The following CHST11 variants were observed in gnomAD, a reference collection of about 807,000 sequenced individuals.
The protein encoded by CHST11 is C4S-1.
A neutral mutation model predicts 30.4 loss-of-function variants in CHST11; 9 were observed. That is an observed-to-expected ratio of 0.30 (90% confidence interval 0.18 to 0.52). CHST11 has a LOEUF of 0.52. CHST11 is among the 20% of genes least tolerant of loss of function. The pLI, the probability that CHST11 is intolerant of heterozygous loss-of-function variation, is 0.97. For synonymous variants in CHST11, 152 were observed against 187.8 expected, an observed-to-expected ratio of 0.81 and a Z score of 1.56; for missense variants, 348 against 460.6, an observed-to-expected ratio of 0.76 and a Z score of 2.24.
chr12:104,566,516 G>A (rs2136020346), intron 1 of CHST11, among the ~76,000 whole-genome samples: 1 of 152,278 alleles, frequency 6.6e-6, no homozygotes, highest in Non-Finnish European at 1.5e-5. Context: ...ACAGGTCCTG[G>A]CAGAGGAGCA....
chr12:104,570,104 C>T (rs1274348911), intron 1 of CHST11, among the ~76,000 whole-genome samples: 1 of 152,098 alleles, frequency 6.6e-6, no homozygotes, highest in Non-Finnish European at 1.5e-5. Flanking sequence ...TCTGTAAGCT[C>T]GGCTGTGATC....
At position 104,601,886 on chromosome 12, in the gene CHST11, C is replaced by A. The variant is rs2038960040; in HGVS notation, c.119-20C>A. 1 of 1,595,910 alleles carries A rather than the reference C, an allele frequency of 6.3e-7. No individual in the cohort carries two copies. Among genetic ancestry groups the A allele is most frequent in the Non-Finnish European group, 8.6e-7 (1 of 1,164,598 alleles). On this transcript the variant is annotated intron_variant, in intron 1 of 2. Transcript: ENST00000303694. Reference sequence around the variant, plus strand: ...ATCTTTGTTGCTCATTTCTGATGAGCCTTCACTTTCTTTCCTCAGTCATGC... The same window carrying A: ...ATCTTTGTTGCTCATTTCTGATGAGACTTCACTTTCTTTCCTCAGTCATGC...
intron 1 of CHST11, among the ~76,000 whole-genome samples, chr12:104,593,792 T>TAG (rs1426702121): frequency 6.6e-6 from 1 of 152,160 alleles, no homozygotes. Context: ...TGGTAAGTAA[T>TAG]AGAGAGAGAC....
chr12:104,533,924 AT>A (rs1484580280), intron 1 of CHST11, among the ~76,000 whole-genome samples: 2 of 152,344 alleles, frequency 1.3e-5, no homozygotes, highest in East Asian at 3.9e-4. Context: ...AGGCTGGGAA[AT>A]TGAAGGCATT....
intron 2 of CHST11, among the ~76,000 whole-genome samples, chr12:104,650,589 T>G (rs2039481574): frequency 6.8e-6 from 1 of 147,886 alleles, no homozygotes; most frequent in African/African-American, 2.5e-5. Flanking sequence ...CGAGGGGGAG[T>G]GGGACACAGG....
At chr12:104,550,775 A>C (rs2038396647) in intron 1 of CHST11, among the ~76,000 whole-genome samples, 1 of 152,230 alleles carries the variant, frequency 6.6e-6, no homozygotes, top group South Asian at 2.1e-4. Context: ...ACTCCTTCTT[A>C]TTCCACTGGT....
At chr12:104,705,738 T>G (rs2081806) in intron 2 of CHST11, among the ~76,000 whole-genome samples, 1 of 151,566 alleles carries the variant, frequency 6.6e-6, no homozygotes, top group Admixed American at 6.6e-5. Flanking sequence ...CTGGCCAACA[T>G]GGCGAAACTC....
At chr12:104,606,865 C>G (rs1592790522) in intron 2 of CHST11, among the ~76,000 whole-genome samples, 1 of 152,040 alleles carries the variant, frequency 6.6e-6, no homozygotes, top group East Asian at 1.9e-4. Flanking sequence ...ATCAGGAGTT[C>G]TAAACCAGCC....
chr12:104,568,636 C>G (rs2038592857), intron 1 of CHST11, among the ~76,000 whole-genome samples: 1 of 152,170 alleles, frequency 6.6e-6, no homozygotes, highest in Admixed American at 6.5e-5. Context: ...CCTGTCATCT[C>G]TACTATTATC....
In CHST11 at chr12:104,483,330, C is replaced by A. The variant is rs563917503; in HGVS notation, c.118+25801C>A. ...AAGAGATTCTTCTGCCTCAGCCTCTCGAGTAGCTGGGATTACAGGTGCCAG... is the reference window on the plus strand; with the variant it reads ...AAGAGATTCTTCTGCCTCAGCCTCTAGAGTAGCTGGGATTACAGGTGCCAG... On this transcript the variant is annotated intron_variant, in intron 1 of 2. Transcript: ENST00000303694. Among the ~76,000 whole-genome samples, 4 of 152,146 alleles carry A rather than the reference C, an allele frequency of 2.6e-5. No homozygotes were observed. In the East Asian group the frequency reaches 5.8e-4, roughly 22 times the overall value.
chr12:104,497,762 C>A (rs968939402), intron 1 of CHST11, among the ~76,000 whole-genome samples: 3 of 152,010 alleles, frequency 2.0e-5, no homozygotes, highest in Non-Finnish European at 4.4e-5. Flanking sequence ...TAGTGGGTGA[C>A]ATGGACTGGA....
At chr12:104,686,839 G>T (rs1438313259) in intron 2 of CHST11, among the ~76,000 whole-genome samples, 12 of 152,086 alleles carry the variant, frequency 7.9e-5, no homozygotes, top group Non-Finnish European at 1.5e-5. Context: ...GCAGAAGCAG[G>T]GTTTCACCAC....
At chr12:104,459,128 C>T (rs2037383524) in intron 1 of CHST11, among the ~76,000 whole-genome samples, 1 of 152,230 alleles carries the variant, frequency 6.6e-6, no homozygotes, top group Non-Finnish European at 1.5e-5. Flanking sequence ...AGTTTAATGT[C>T]AGCAAACTAC....
At chr12:104,671,255 G>A (rs995973674) in intron 2 of CHST11, among the ~76,000 whole-genome samples, 1 of 152,180 alleles carries the variant, frequency 6.6e-6, no homozygotes, top group Non-Finnish European at 1.5e-5. Context: ...TGCTGCGCCC[G>A]TGATCCTAAG....
chr12:104,670,485 ACT>A (rs1370155871), intron 2 of CHST11, among the ~76,000 whole-genome samples: 2 of 139,974 alleles, frequency 1.4e-5, no homozygotes, highest in African/African-American at 2.9e-5. Context: ...ACACACACAC[ACT>A]CACACTCATA....
chr12:104,582,292 G>A (rs1428394528), intron 1 of CHST11, among the ~76,000 whole-genome samples: 2 of 152,118 alleles, frequency 1.3e-5, no homozygotes, highest in Non-Finnish European at 2.9e-5. Flanking sequence ...GGAGGGGCCA[G>A]GATTTGAGGC....
intron 1 of CHST11, among the ~76,000 whole-genome samples, chr12:104,493,618 C>T (rs777339487): frequency 1.3e-5 from 2 of 152,200 alleles, no homozygotes; most frequent in Admixed American, 6.5e-5. Flanking sequence ...GGCGTTCCAT[C>T]AAAGCTTCCT....
chr12:104,531,893 G>C (rs17035737), intron 1 of CHST11, among the ~76,000 whole-genome samples: 2,584 of 152,314 alleles, frequency 0.017, 84 homozygotes, highest in African/African-American at 0.059. Flanking sequence ...TTTGCTAACA[G>C]TCAGAATATC....
chr12:104,610,043 C>G (rs921579869), intron 2 of CHST11, among the ~76,000 whole-genome samples: 325 of 143,190 alleles, frequency 2.3e-3, no homozygotes, highest in African/African-American at 8.3e-3. Flanking sequence ...ATGAGTGCCT[C>G]TGTGTGTGTG....
Sources: gnomAD v4.1 joint callset for allele counts (sites outside exome capture counted in the v4.1 genomes callset) on GRCh38, gnomAD v4.1.1 for gene constraint, MANE v1.5 for transcripts, NCBI Gene and HGNC (gene_info 2026-07-23, HGNC 2026-07-21) for gene names.